Variants in SPTBN5 observed in about 807,000 individuals in gnomAD.
SPTBN5 encodes the protein spectrin beta, non-erythrocytic 5.
In SPTBN5, 513 loss-of-function variants were observed where a neutral mutation model predicts 477.6. The ratio of observed to expected loss-of-function variants is 1.07; its 90% CI spans 1.00 to 1.16. The LOEUF is 1.16. Ranked by LOEUF, SPTBN5 falls within the 50% of genes most tolerant of loss-of-function variation. The probability of loss-of-function intolerance (pLI) is 0.00; values close to 1 mark genes in which losing one functional copy is unlikely to be tolerated. For synonymous variants in SPTBN5, 2,169 were observed against 2,011.7 expected, an observed-to-expected ratio of 1.08 and a Z score of -2.09; for missense variants, 5,062 against 4,731.8, an observed-to-expected ratio of 1.07 and a Z score of -2.05.
Position 41,874,971 on chromosome 15 carries a change from T to G in SPTBN5, c.4373A>C (p.Gln1458Pro), listed in dbSNP as rs551946922. 20 of 1,613,734 alleles carry G rather than the reference T, an allele frequency of 1.2e-5. 1 individual carries two copies. In the Admixed American group the frequency reaches 1.7e-4, roughly 13 times the overall value. The change falls in exon 23 of 68, where the codon CAG (glutamine) becomes CCG (proline). Residue 1458 changes from glutamine to proline, a missense_variant. Transcript: ENST00000320955. ...ACTCTCCAGCTGTTGGTGCCGTTTC[T>G]GCAGCCTCTGGCTGGAGCGCAGGTC... ...GQDLRSSQRLQKRHQQLESES... is the reference protein window; with the variant it reads ...GQDLRSSQRLPKRHQQLESES...
intron 13 of SPTBN5, 105 bp from the exon 14 acceptor site, chr15:41,880,417 C>A (rs1198929263): frequency 1.3e-5 from 17 of 1,297,350 alleles, no homozygotes; most frequent in Non-Finnish European, 1.6e-5. Context: ...ACCAGCAGAG[C>A]CCAGGGTCAG....
chr15:41,851,374 GGA>G lies in SPTBN5; in HGVS notation c.10657-7_10657-6del. The G allele has an allele frequency of 6.5e-7, 1 of 1,550,338 alleles. No homozygotes were observed. The highest frequency in any genetic ancestry group is 8.7e-7 in the Non-Finnish European group (1 of 1,146,594). The stretch of plus-strand genomic sequence containing the variant: ...GTCCCAGGAGCTCGAGCTAGGCTGT[GGA>G]GAGGAGGCGGGAAGGTCGCATGAGC... On this transcript the variant is annotated splice_polypyrimidine_tract_variant and splice_region_variant and intron_variant, in intron 63 of 67. Coordinates refer to ENST00000320955, the MANE Select transcript of SPTBN5 (RefSeq NM_016642.4).
chr15:41,850,736 TTGGAGGTTAGAGATG>T, intron 66 of SPTBN5, 103 bp downstream of exon 66: 1 of 876,192 alleles, frequency 1.1e-6, no homozygotes, highest in Non-Finnish European at 1.7e-6. Context: ...GTCCCACTTC[TTGGAGGTTAGAGATG>T]CTAACTGTGA....
chr15:41,880,971 C>T, intron 13 of SPTBN5, 63 bp downstream of exon 13: 1 of 1,413,750 alleles, frequency 7.1e-7, no homozygotes, highest in South Asian at 1.3e-5. Flanking sequence ...CCCCTGGGAT[C>T]ACTGCACAGG....
At chr15:41,851,921 GC>G (rs1369201268) in intron 62 of SPTBN5, 71 bp from the exon 63 acceptor site, 57 of 1,245,590 alleles carry the variant, frequency 4.6e-5, no homozygotes, top group Non-Finnish European at 6.5e-5. Flanking sequence ...GGCACCCACT[GC>G]CCCCAGCTCT....
rs752564851 is a variant in SPTBN5, at chr15:41,857,304, G to T, written c.8555C>A (p.Ala2852Asp). 6.4e-7 allele frequency: 1 copy of T among 1,569,552 alleles called. No individual in the cohort carries two copies. Residue 2852 changes from alanine (A) to aspartate (D), a missense_variant, in exon 51 of 68, where the codon GCC becomes GAC. By Grantham distance (126) the Ala-to-Asp change is moderately radical (BLOSUM62 -2). Coordinates refer to ENST00000320955, the MANE Select transcript of SPTBN5 (RefSeq NM_016642.4). ...AAGGCAGTGGCCTTCCCTCACAAAG[G>T]CCTGGGCCTGGCCCAGCAGTGCCTC... The part of the protein sequence containing the change: ...QAEALLGQAQ[A>D]FVREGHCLAQ...
Position 41,863,159 on chromosome 15 carries a change from C to A in SPTBN5, c.7150-256G>T, listed in dbSNP as rs1243103527. Among the ~76,000 whole-genome samples the A allele has an allele frequency of 2.0e-5, 3 of 152,366 alleles. No individual in the cohort carries two copies. In the South Asian group the frequency reaches 6.2e-4, roughly 32 times the overall value. ...CTGTACAGTCTCACTCAACTCTCAT[C>A]CCTTGAGGAGCGAGAAAGGAAATAG... On this transcript the variant is annotated intron_variant, in intron 41 of 67. Transcript: ENST00000320955.
rs2067210743 is a variant in SPTBN5 at position 41,888,103 on chromosome 15, C to G, written c.502-18G>C. On this transcript the variant is annotated intron_variant, in intron 4 of 67. Transcript: ENST00000320955. The stretch of plus-strand genomic sequence containing the variant: ...AACTCCTCCTGGCGGGACAGGGCAG[C>G]AGGGTCACCATGCGGGGATGGGGTG... 1 of 1,556,400 alleles carries G rather than the reference C, an allele frequency of 6.4e-7. No individual in the cohort carries two copies. The highest frequency in any genetic ancestry group is 1.4e-5 in the African/African-American group (1 of 73,694).
chr15:41,858,784 G>A, intron 48 of SPTBN5, 36 bp from the exon 49 acceptor site: 1 of 1,593,080 alleles, frequency 6.3e-7, no homozygotes, highest in Non-Finnish European at 8.6e-7. Context: ...GCTGTCCAGG[G>A]CTTTCCCCTT....
chr15:41,868,247 C>T (rs780411557), intron 33 of SPTBN5, 29 bp from the exon 34 acceptor site: 1 of 1,577,436 alleles, frequency 6.3e-7, no homozygotes, highest in Non-Finnish European at 8.6e-7. Flanking sequence ...GGAGCCTCAG[C>T]TGGGGAGGGT....
chr15:41,851,882 A>T (rs777372267), intron 62 of SPTBN5, 32 bp from the exon 63 acceptor site: 43 of 1,575,734 alleles, frequency 2.7e-5, no homozygotes, highest in Non-Finnish European at 3.7e-5. Context: ...CAGAAATGTC[A>T]GGACCAGCAC....
At position 41,852,964 on chromosome 15, in the gene SPTBN5, G is replaced by A. The variant is rs1345546534; in HGVS notation, c.10207C>T (p.Gln3403Ter). 3 of 1,565,958 alleles carry A rather than the reference G, an allele frequency of 1.9e-6. No individual in the cohort carries two copies. Among genetic ancestry groups the A allele is most frequent in the Non-Finnish European group, 2.6e-6 (3 of 1,155,958 alleles). The change falls in exon 60 of 68, where the codon CAG (glutamine) becomes TAG (stop). Residue 3403 changes from glutamine to a stop codon, truncating the protein, a stop_gained. Transcript: ENST00000320955. LOFTEE classifies it high-confidence loss of function. ...ECLQELEGRL[Q>*]ELEEAWALRW... ...AGGGCCCAAGCCTCCTCCAGCTCCTGCAGCCGCCCTTCCAGCTCCTGCAGG... is the reference window on the plus strand; with the variant it reads ...AGGGCCCAAGCCTCCTCCAGCTCCTACAGCCGCCCTTCCAGCTCCTGCAGG...
Position 41,883,147 on chromosome 15 carries a change from G to A in SPTBN5, c.1741C>T (p.Gln581Ter). The change falls in exon 9 of 68, where the codon CAA (glutamine) becomes TAA (stop). Residue 581 changes from glutamine (Q) to a stop codon, truncating the protein, a stop_gained. Transcript: ENST00000320955. LOFTEE classifies it high-confidence loss of function. Reference protein sequence around the residue: ...LLQRHDLLEAQVSAHGAHVSH... With the variant: ...LLQRHDLLEA ...ACATGGGCTCCGTGGGCCGAGACTTGAGCCTCCAGCAGGTCATGCCTCTGC... is the reference window on the plus strand; with the variant it reads ...ACATGGGCTCCGTGGGCCGAGACTTAAGCCTCCAGCAGGTCATGCCTCTGC... The A allele has an allele frequency of 6.2e-7, 1 of 1,612,780 alleles. No homozygotes were observed. The highest frequency in any genetic ancestry group is 8.5e-7 in the Non-Finnish European group (1 of 1,179,766).
Position 41,857,358 on chromosome 15 carries a change from G to A in SPTBN5, c.8501C>T (p.Ala2834Val), listed in dbSNP as rs1567188188. Residue 2834 changes from alanine to valine, a missense_variant, in exon 51 of 68, where the codon GCA becomes GTA. By Grantham distance (64) the Ala-to-Val change is moderately conservative. Coordinates refer to ENST00000320955, the MANE Select transcript of SPTBN5 (RefSeq NM_016642.4). ...ELLGTQRELE[A>V]AVDKKARQAE... ...CTGCCTGGCCTTCTTGTCCACTGCT[G>A]CCTCCAGCTCCCTCTGTGTGCCCAG... 6.4e-7 allele frequency: 1 copy of A among 1,574,712 alleles called. No homozygotes were observed. Among genetic ancestry groups the A allele is most frequent in the Non-Finnish European group, 8.6e-7 (1 of 1,160,508 alleles).
chr15:41,878,521 G>T lies in SPTBN5; in HGVS notation c.3291C>A (p.Arg1097=). ...TCTGCCGGGCCTGAGTCTCAGCCTG[G>T]CGCCGGGCCCGTTGGGCCACTTGTT... ...VQEQVAQRAR[R]QAETQARQSF... is the part of the protein sequence containing the mutation. Residue 1097 remains arginine (R), a synonymous_variant, in exon 17 of 68, where the codon CGC becomes CGA. Transcript: ENST00000320955. The T allele has an allele frequency of 6.2e-7, 1 of 1,613,122 alleles. No homozygotes were observed. Among genetic ancestry groups the T allele is most frequent in the South Asian group, 1.1e-5 (1 of 90,998 alleles).
rs550973420 is a variant in SPTBN5 at position 41,865,782 on chromosome 15, A to G, written c.6918+26T>C. 58 of 1,542,238 alleles carry G rather than the reference A, an allele frequency of 3.8e-5. No individual in the cohort carries two copies. The African/African-American group carries it at 7.1e-4, about 19-fold the overall frequency. ...ATTTTCAGTGCGGGATGCATGGCCA[A>G]CCTCTACCCAGCAAGGCCCTCTTAC... is the stretch of plus-strand genomic sequence containing the variant. On this transcript the variant is annotated intron_variant, in intron 39 of 67. Coordinates refer to ENST00000320955, the MANE Select transcript of SPTBN5 (RefSeq NM_016642.4).
chr15:41,868,680 G>T, intron 32 of SPTBN5, 79 bp from the exon 33 acceptor site: 1 of 1,448,128 alleles, frequency 6.9e-7, no homozygotes, highest in Non-Finnish European at 9.5e-7. Context: ...GGCAACTGCA[G>T]CCCACCTGAG....
chr15:41,886,062 TG>T lies in SPTBN5; in HGVS notation c.1192del (p.Gln398SerfsTer27), dbSNP rs1393620731. The T allele has an allele frequency of 6.3e-7, 1 of 1,592,468 alleles. No homozygotes were observed. The highest frequency in any genetic ancestry group is 1.7e-5 in the Admixed American group (1 of 57,192). On this transcript the variant is annotated frameshift_variant, in exon 7 of 68. Transcript: ENST00000320955. LOFTEE classifies it high-confidence loss of function. ...TGCCCACTCCAGCCCTGCCCAGCAC[TG>T]GGACAGCTCTGCAAGGCCCAGGCCC... ...HEGLGLAELS[Q>X]CWAGLEWAEA... is the part of the protein sequence containing the mutation.
At chr15:41,865,709 G>T in intron 39 of SPTBN5, 99 bp downstream of exon 39, 1 of 1,112,816 alleles carries the variant, frequency 9.0e-7, no homozygotes, top group South Asian at 1.5e-5. Context: ...CAGGCATGGC[G>T]CCCACGCCCT....
Sources: gnomAD v4.1 joint callset for allele counts (sites outside exome capture counted in the v4.1 genomes callset) on GRCh38, gnomAD v4.1.1 for gene constraint, MANE v1.5 for transcripts, NCBI Gene and HGNC (gene_info 2026-07-23, HGNC 2026-07-21) for gene names.